GPX6: variants seen among roughly 807,000 people sequenced by gnomAD.
GPX6 encodes the protein glutathione peroxidase 6, also known as glutathione peroxidase 6 (olfactory).
A neutral mutation model predicts 20.0 loss-of-function variants in GPX6; 21 were observed. The observed-to-expected ratio is 1.05, with a 90% CI of 0.74 to 1.51. The LOEUF (loss-of-function observed/expected upper bound fraction) is 1.51. Ranked by LOEUF, GPX6 falls within the 40% of genes most tolerant of loss-of-function variation. The pLI, the probability that GPX6 is intolerant of heterozygous loss-of-function variation, is 0.00. For missense variants in GPX6, 233 were observed against 254.7 expected (o/e 0.91, Z 0.58); for synonymous variants, 75 against 98.0 (o/e 0.77, Z 1.38).
chr6:28,510,833 G>A lies in GPX6; in HGVS notation c.159C>T (p.Tyr53=). ...YGALTLNGEE[Y]IQFKQFAGKH... ...TGCCTGCAAACTGCTTGAATTGGAT[G>A]TACTCCTCGCCGTTGAGGGTGAGGG... Residue 53 remains tyrosine, a synonymous_variant, in exon 2 of 5, where the codon TAC becomes TAT. Coordinates refer to ENST00000361902, the MANE Select transcript of GPX6 (RefSeq NM_182701.1). The A allele has an allele frequency of 1.2e-6, 2 of 1,614,046 alleles. No homozygotes were observed. Among genetic ancestry groups the A allele is most frequent in the East Asian group, 2.2e-5 (1 of 44,866 alleles).
chr6:28,508,555 C>T (rs1762829543), intron 2 of GPX6, among the ~76,000 whole-genome samples: 1 of 151,986 alleles, frequency 6.6e-6, no homozygotes, highest in Non-Finnish European at 1.5e-5. Flanking sequence ...CCTATAATCC[C>T]AGCACTTTGG....
chr6:28,503,987 G>A lies in GPX6; in HGVS notation c.*305C>T. ...GGAATAGATATTTCAGGATCAGAGA[G>A]TTGGAGAGATAGGTGTTCTTTTCCT... is the stretch of plus-strand genomic sequence containing the variant. On this transcript the variant is annotated 3_prime_UTR_variant, in exon 5 of 5. Transcript: ENST00000361902. 3.0e-6 allele frequency: 1 copy of A among 328,198 alleles called. No individual in the cohort carries two copies. The highest frequency in any genetic ancestry group is 5.6e-6 in the Non-Finnish European group (1 of 179,818). The allele number at this position is 328,198 out of a possible 1,614,324, so 20.3% of individuals were successfully genotyped here.
At chr6:28,504,881 CAG>C (rs1341886680) in intron 4 of GPX6, among the ~76,000 whole-genome samples, 1 of 152,136 alleles carries the variant, frequency 6.6e-6, no homozygotes, top group Non-Finnish European at 1.5e-5. Flanking sequence ...TAGTGGCTCG[CAG>C]AGTTTGGGGC....
chr6:28,513,228 T>G (rs769248122), intron 1 of GPX6, among the ~76,000 whole-genome samples: 11 of 152,166 alleles, frequency 7.2e-5, no homozygotes, highest in Non-Finnish European at 1.3e-4. Flanking sequence ...GCAAGATCCC[T>G]GGGATACAGA....
chr6:28,505,748 C>T lies in GPX6; in HGVS notation c.414G>A (p.Gly138=). 2 of 1,614,036 alleles carry T rather than the reference C, an allele frequency of 1.2e-6. No homozygotes were observed. Among genetic ancestry groups the T allele is most frequent in the African/African-American group, 2.7e-5 (2 of 75,038 alleles). The change falls in exon 4 of 5, where the codon GGG becomes GGA. Residue 138 remains glycine, a synonymous_variant. Transcript: ENST00000361902. The part of the protein sequence containing the change: ...FVPSFQLFEK[G]DVNGEKEQKV... ...TCTGTTCTTTTTCTCCATTCACATC[C>T]CCTTTCTCAAAGAGCTGGAAACTGG...
At chr6:28,507,037 C>T in intron 2 of GPX6, among the ~76,000 whole-genome samples, 1 of 152,146 alleles carries the variant, frequency 6.6e-6, no homozygotes, top group Non-Finnish European at 1.5e-5. Flanking sequence ...GTACCCTCTC[C>T]TCAATTCCAG....
intron 1 of GPX6, among the ~76,000 whole-genome samples, chr6:28,514,831 T>A (rs34816170): frequency 1.8e-4 from 28 of 152,354 alleles, no homozygotes; most frequent in African/African-American, 6.7e-4. Context: ...ATAATTGGCA[T>A]ATGGCCACCA....
At chr6:28,510,486 GGT>G (rs1762852004) in intron 2 of GPX6, among the ~76,000 whole-genome samples, 3 of 152,124 alleles carry the variant, frequency 2.0e-5, no homozygotes, top group Non-Finnish European at 4.4e-5. Context: ...TCTCCTTCAG[GGT>G]ACCGAGTAAC....
At chr6:28,512,275 C>T (rs1191661815) in intron 1 of GPX6, among the ~76,000 whole-genome samples, 1 of 152,242 alleles carries the variant, frequency 6.6e-6, no homozygotes, top group Non-Finnish European at 1.5e-5. Context: ...ACTGGGAGAA[C>T]CTTTATGTCT....
chr6:28,513,178 T>C (rs1030365459), intron 1 of GPX6, among the ~76,000 whole-genome samples: 3 of 152,158 alleles, frequency 2.0e-5, no homozygotes, highest in Admixed American at 2.0e-4. Flanking sequence ...GCACTTATTC[T>C]CCATGCCCAC....
intron 1 of GPX6, among the ~76,000 whole-genome samples, chr6:28,512,894 T>G (rs553678065): frequency 6.6e-6 from 1 of 152,244 alleles, no homozygotes; most frequent in African/African-American, 2.4e-5. Context: ...AGCTTCACTC[T>G]TGAGCCAGCA....
chr6:28,513,408 A>T (rs553636251), intron 1 of GPX6, among the ~76,000 whole-genome samples: 1 of 152,264 alleles, frequency 6.6e-6, no homozygotes, highest in South Asian at 2.1e-4. Context: ...GCTAGTTTGT[A>T]TGCTCCCCCT....
intron 1 of GPX6, among the ~76,000 whole-genome samples, chr6:28,513,211 A>C (rs1762941562): frequency 6.6e-6 from 1 of 152,182 alleles, no homozygotes; most frequent in African/African-American, 2.4e-5. Context: ...TCTTCTCGTA[A>C]ACCAAGGCAA....
intron 1 of GPX6, among the ~76,000 whole-genome samples, chr6:28,515,113 C>G (rs3886843): frequency 0.086 from 13,113 of 152,202 alleles, 669 homozygotes; most frequent in African/African-American, 0.11. Flanking sequence ...CCATATTGGC[C>G]TTATGCATTT....
chr6:28,513,516 C>A (rs191775024), intron 1 of GPX6, among the ~76,000 whole-genome samples: 3 of 152,136 alleles, frequency 2.0e-5, no homozygotes, highest in Non-Finnish European at 4.4e-5. Flanking sequence ...TTTCCGGTTT[C>A]GCTGGTACCT....
chr6:28,510,487 G>T (rs780826259), intron 2 of GPX6, among the ~76,000 whole-genome samples: 1 of 152,100 alleles, frequency 6.6e-6, no homozygotes, highest in Non-Finnish European at 1.5e-5. Flanking sequence ...CTCCTTCAGG[G>T]TACCGAGTAA....
chr6:28,515,619 G>A (rs754627087), intron 1 of GPX6, 38 bp downstream of exon 1: 18 of 1,545,560 alleles, frequency 1.2e-5, no homozygotes, highest in African/African-American at 2.7e-5. Flanking sequence ...TGGTCATCAC[G>A]TGCTGGAATC....
intron 1 of GPX6, among the ~76,000 whole-genome samples, chr6:28,511,779 G>A (rs1762881001): frequency 6.6e-6 from 1 of 152,252 alleles, no homozygotes; most frequent in South Asian, 2.1e-4. Flanking sequence ...CACTGTGGGA[G>A]CCCCCTTCTG....
chr6:28,514,002 T>C (rs1335642786), intron 1 of GPX6, among the ~76,000 whole-genome samples: 2 of 152,228 alleles, frequency 1.3e-5, no homozygotes, highest in Non-Finnish European at 2.9e-5. Context: ...AGTCACAATA[T>C]TTGGGAACAT....
Sources: allele counts gnomAD v4.1 joint callset (sites outside exome capture counted in the v4.1 genomes callset), GRCh38; gene constraint gnomAD v4.1.1; transcripts MANE v1.5; gene names NCBI Gene and HGNC (gene_info 2026-07-23, HGNC 2026-07-21).